Variants in TIAM1 observed in about 807,000 individuals in gnomAD.
TIAM1 encodes the protein rho guanine nucleotide exchange factor TIAM1.
Under a neutral mutation model 163.5 loss-of-function variants are expected in TIAM1, and 65 were observed. That is an observed-to-expected ratio of 0.40 (90% confidence interval 0.33 to 0.49). The LOEUF (loss-of-function observed/expected upper bound fraction) is 0.49. Ranked by LOEUF, TIAM1 falls within the 20% of genes least tolerant of loss-of-function variation. The probability of loss-of-function intolerance (pLI) is 0.77; values close to 1 mark genes in which losing one functional copy is unlikely to be tolerated. For synonymous variants in TIAM1, 833 were observed against 810.1 expected (o/e 1.03, Z -0.48); for missense variants, 1,789 against 2,044.7 (o/e 0.87, Z 2.41).
intron 19 of TIAM1, among the ~76,000 whole-genome samples, chr21:31,149,853 G>A (rs1470586603): frequency 6.6e-6 from 1 of 152,134 alleles, no homozygotes; most frequent in Non-Finnish European, 1.5e-5. Context: ...TTCAAATGAA[G>A]AGCATAACCA....
intron 17 of TIAM1, among the ~76,000 whole-genome samples, chr21:31,153,938 C>T (rs2083494533): frequency 6.6e-6 from 1 of 151,932 alleles, no homozygotes; most frequent in South Asian, 2.1e-4. Flanking sequence ...GTGGCATGCA[C>T]CTGTGGTCCC....
intron 11 of TIAM1, among the ~76,000 whole-genome samples, chr21:31,208,622 G>A (rs899501185): frequency 2.0e-5 from 3 of 152,180 alleles, no homozygotes; most frequent in African/African-American, 7.2e-5. Flanking sequence ...TAGCATCCAT[G>A]TCAGGGCTGA....
intron 1 of TIAM1, among the ~76,000 whole-genome samples, chr21:31,506,900 G>A (rs1271603814): frequency 6.6e-6 from 1 of 152,188 alleles, no homozygotes; most frequent in African/African-American, 2.4e-5. Context: ...CTGGGCGACA[G>A]AGGGAGACCC....
At chr21:31,375,423 G>C (rs547171176) in intron 2 of TIAM1, among the ~76,000 whole-genome samples, 1 of 152,028 alleles carries the variant, frequency 6.6e-6, no homozygotes, top group South Asian at 2.1e-4. Context: ...CTAAACAATG[G>C]GCAAAATACC....
At chr21:31,543,933 C>A (rs1033532301) in intron 1 of TIAM1, among the ~76,000 whole-genome samples, 2 of 152,206 alleles carry the variant, frequency 1.3e-5, no homozygotes, top group Non-Finnish European at 2.9e-5. Context: ...GTCTAAGACC[C>A]AGCACAGTGG....
Position 31,554,881 on chromosome 21 carries a change from C to A in TIAM1, c.-422+4046G>T, listed in dbSNP as rs2048820705. Among the ~76,000 whole-genome samples the A allele has an allele frequency of 1.3e-5, 2 of 152,150 alleles. 1 individual carries two copies. Among genetic ancestry groups the A allele is most frequent in the South Asian group, 4.1e-4 (2 of 4,834 alleles). ...AATCTCACACACGCACTGGAGGAAT[C>A]TCTGCGGCTTCCCATGCCCACAGTC... is the stretch of plus-strand genomic sequence containing the variant. On this transcript the variant is annotated intron_variant, in intron 1 of 28. Transcript: ENST00000286827.
chr21:31,328,086 G>T (rs2075555199), intron 2 of TIAM1, among the ~76,000 whole-genome samples: 2 of 152,002 alleles, frequency 1.3e-5, no homozygotes, highest in South Asian at 4.1e-4. Flanking sequence ...TCAGCACAGG[G>T]CTCGCTTCCT....
intron 14 of TIAM1, 141 bp from the exon 15 acceptor site, chr21:31,182,786 G>T: frequency 1.2e-6 from 1 of 800,820 alleles, no homozygotes; most frequent in Non-Finnish European, 1.9e-6. Context: ...GTGCTCGGGA[G>T]TGATCCTCAG....
intron 25 of TIAM1, among the ~76,000 whole-genome samples, chr21:31,127,573 A>G (rs76236672): frequency 0.021 from 3,166 of 152,068 alleles, 115 homozygotes; most frequent in African/African-American, 0.073. Flanking sequence ...TGTGCACCCC[A>G]CGCCCGGCTA....
chr21:31,389,985 A>G (rs578145111), intron 2 of TIAM1, among the ~76,000 whole-genome samples: 3 of 152,324 alleles, frequency 2.0e-5, no homozygotes, highest in African/African-American at 7.2e-5. Context: ...AAAGCCTTGG[A>G]ACATATCACT....
chr21:31,543,748 A>G (rs1420329012), intron 1 of TIAM1, among the ~76,000 whole-genome samples: 3 of 152,248 alleles, frequency 2.0e-5, no homozygotes, highest in Non-Finnish European at 4.4e-5. Flanking sequence ...AAGGATTTGA[A>G]CAAGGAGTCC....
intron 2 of TIAM1, among the ~76,000 whole-genome samples, chr21:31,293,930 G>A (rs1190569974): frequency 1.3e-5 from 2 of 152,138 alleles, no homozygotes; most frequent in Admixed American, 6.5e-5. Flanking sequence ...TGAAACAGCC[G>A]CTACTTTTAA....
At chr21:31,346,343 T>G (rs1361050570), upstream of TIAM1, among the ~76,000 whole-genome samples, 1 of 152,208 alleles carries the variant, frequency 6.6e-6, no homozygotes, top group Non-Finnish European at 1.5e-5. Context: ...CCTTTTCCAC[T>G]GTGCAGCATT....
At chr21:31,229,397 T>C (rs954510009) in intron 6 of TIAM1, among the ~76,000 whole-genome samples, 1 of 152,204 alleles carries the variant, frequency 6.6e-6, no homozygotes, top group South Asian at 2.1e-4. Context: ...AATATTTGAG[T>C]ATAATTTTTC....
chr21:31,541,274 T>C (rs917348717), intron 1 of TIAM1, among the ~76,000 whole-genome samples: 6 of 151,970 alleles, frequency 3.9e-5, no homozygotes, highest in Non-Finnish European at 5.9e-5. Context: ...TTGGGCAACA[T>C]GGCAAAACCC....
At chr21:31,410,687 A>T (rs1280285837) in intron 2 of TIAM1, among the ~76,000 whole-genome samples, 1 of 150,800 alleles carries the variant, frequency 6.6e-6, no homozygotes, top group African/African-American at 2.4e-5. Context: ...AGGGCGTGAG[A>T]GTGTGTGTGA....
chr21:31,493,162 G>A (rs753729446), intron 1 of TIAM1, among the ~76,000 whole-genome samples: 4 of 152,112 alleles, frequency 2.6e-5, no homozygotes, highest in Non-Finnish European at 4.4e-5. Context: ...GCTCTGCAAA[G>A]GATTCAGTTA....
chr21:31,212,245 C>T (rs1334280102), intron 10 of TIAM1, among the ~76,000 whole-genome samples: 1 of 152,084 alleles, frequency 6.6e-6, no homozygotes, highest in Non-Finnish European at 1.5e-5. Flanking sequence ...GCAGAACTCC[C>T]CATGGCACTC....
chr21:31,245,417 T>C (rs1230780331), intron 6 of TIAM1, 71 bp downstream of exon 6: 1 of 929,688 alleles, frequency 1.1e-6, no homozygotes, highest in South Asian at 4.1e-5. Flanking sequence ...GGAGACTGGG[T>C]GCCTAGGCAA....
Sources: allele counts gnomAD v4.1 joint callset (sites outside exome capture counted in the v4.1 genomes callset), GRCh38; gene constraint gnomAD v4.1.1; transcripts MANE v1.5; gene names NCBI Gene and HGNC (gene_info 2026-07-23, HGNC 2026-07-21).